Variants in B3GNT3 observed in about 807,000 individuals in gnomAD.
B3GNT3 encodes UDP-GlcNAc:betaGal beta-1,3-N-acetylglucosaminyltransferase 3, also known as N-acetyllactosaminide beta-1,3-N-acetylglucosaminyltransferase 3.
Under a neutral mutation model 11.6 loss-of-function variants are expected in B3GNT3, and 7 were observed. That is an observed-to-expected ratio of 0.60 (90% CI 0.34 to 1.13). B3GNT3 has a LOEUF of 1.13. Among genes scored for constraint, B3GNT3 ranks in the 50% most tolerant of loss-of-function variants. B3GNT3 has a pLI of 0.03. For synonymous variants in B3GNT3, 201 were observed against 222.1 expected (o/e 0.90, Z 0.85); for missense variants, 400 against 507.4 (o/e 0.79, Z 2.03).
Position 17,808,288 on chromosome 19 carries a change from C to T in B3GNT3, c.481C>T (p.Arg161Trp), listed in dbSNP as rs965913129. The T allele has an allele frequency of 4.3e-6, 7 of 1,613,406 alleles. No homozygotes were observed. The highest frequency in any genetic ancestry group is 4.0e-5 in the African/African-American group (3 of 74,934). The change falls in exon 2 of 3, where the codon CGG (arginine) becomes TGG (tryptophan). Residue 161 changes from arginine (R) to tryptophan (W), a missense_variant. By Grantham distance (101) the Arg-to-Trp change is moderately radical. Coordinates refer to ENST00000318683, the MANE Select transcript of B3GNT3 (RefSeq NM_014256.4). Reference sequence around the variant, plus strand: ...CCCGCACGAGGCCCGCAAGGTCAACCGGCTGCTGGAGCTGGAGGCACAGAC... The same window carrying T: ...CCCGCACGAGGCCCGCAAGGTCAACTGGCTGCTGGAGCTGGAGGCACAGAC... ...SNPHEARKVN[R>W]LLELEAQTHG...
At chr19:17,795,452 C>T (rs984651910) in intron 1 of B3GNT3, among the ~76,000 whole-genome samples, 3 of 152,194 alleles carry the variant, frequency 2.0e-5, no homozygotes, top group African/African-American at 7.2e-5. Flanking sequence ...GCTGGCGACC[C>T]GGGACCCCGG....
Position 17,807,960 on chromosome 19 carries a change from T to TCCGCGC in B3GNT3, c.155_156insGCGCCC (p.Pro52_Pro53insArgPro). 6.2e-6 allele frequency: 10 copies of TCCGCGC among 1,609,536 alleles called. No homozygotes were observed. The highest frequency in any genetic ancestry group is 8.5e-6 in the Non-Finnish European group (10 of 1,178,120). ...TCCCCGAGGCCCTGGCCTGGCCCAC[T>TCCGCGC]CCACCCACCCGCCCAGCCCCGGCCC... On this transcript the variant is annotated inframe_insertion, in exon 2 of 3. Transcript: ENST00000318683.
chr19:17,808,064 A>T lies in B3GNT3; in HGVS notation c.257A>T (p.Tyr86Phe). 3 of 1,608,828 alleles carry T rather than the reference A, an allele frequency of 1.9e-6. 1 individual carries two copies. In the South Asian group the frequency reaches 3.3e-5, roughly 18 times the overall value. ...CAGCACGTTCAGAACTTCCTCCTGT[A>T]CAGACACTGCCGCCACTTTCCCCTG... ...QPQHVQNFLLYRHCRHFPLLQ... is the reference protein window; with the variant it reads ...QPQHVQNFLLFRHCRHFPLLQ... The change falls in exon 2 of 3, where the codon TAC (tyrosine) becomes TTC (phenylalanine). Residue 86 changes from tyrosine (Y) to phenylalanine (F), a missense_variant. Tyr to Phe is a conservative substitution (Grantham distance 22, BLOSUM62 3). Coordinates refer to ENST00000318683, the MANE Select transcript of B3GNT3 (RefSeq NM_014256.4).
chr19:17,804,186 G>A (rs186260913), intron 1 of B3GNT3, among the ~76,000 whole-genome samples: 3 of 149,578 alleles, frequency 2.0e-5, no homozygotes, highest in East Asian at 2.0e-4. Flanking sequence ...AAACATTGAT[G>A]ACTTTCTTCA....
chr19:17,808,905 T>C (rs776721237), intron 2 of B3GNT3, among the ~76,000 whole-genome samples: 6 of 152,136 alleles, frequency 3.9e-5, no homozygotes, highest in Non-Finnish European at 7.4e-5. Flanking sequence ...AGTGGTGCGA[T>C]CTGGGCTTGC....
intron 1 of B3GNT3, among the ~76,000 whole-genome samples, chr19:17,806,316 C>T (rs2094172940): frequency 6.6e-6 from 1 of 151,992 alleles, no homozygotes; most frequent in South Asian, 2.1e-4. Flanking sequence ...GGGGTTTCAC[C>T]ATGCTGCCCA....
In B3GNT3 at chr19:17,812,055, T is replaced by A. The variant is rs2094181793; in HGVS notation, c.1052T>A (p.Met351Lys). The A allele has an allele frequency of 6.3e-7, 1 of 1,598,888 alleles. No individual in the cohort carries two copies. The highest frequency in any genetic ancestry group is 8.5e-7 in the Non-Finnish European group (1 of 1,179,904). The change falls in exon 3 of 3, where the codon ATG becomes AAG. Residue 351 changes from methionine to lysine, a missense_variant. Met to Lys is a moderately conservative substitution (Grantham distance 95, BLOSUM62 -1). Coordinates refer to ENST00000318683, the MANE Select transcript of B3GNT3 (RefSeq NM_014256.4). The stretch of plus-strand genomic sequence containing the variant: ...GTGCACCGCTTCCTACCTTATGAGA[T>A]GCTGCTCATGTGGGATGCGCTGAAC... ...LLVHRFLPYE[M>K]LLMWDALNQP...
At chr19:17,810,030 T>C (rs930131391) in intron 2 of B3GNT3, among the ~76,000 whole-genome samples, 9 of 152,086 alleles carry the variant, frequency 5.9e-5, no homozygotes, top group African/African-American at 2.2e-4. Flanking sequence ...GTAAATAAGA[T>C]AGAGGACCAC....
At position 17,812,349 on chromosome 19, in the gene B3GNT3, A is replaced by C; in HGVS notation, c.*227A>C. 1.9e-6 allele frequency: 1 copy of C among 529,134 alleles called. No individual in the cohort carries two copies. Among genetic ancestry groups the C allele is most frequent in the South Asian group, 2.8e-5 (1 of 35,654 alleles). The allele number at this position is 529,134 out of a possible 1,614,324, so 32.8% of individuals were successfully genotyped here. On this transcript the variant is annotated 3_prime_UTR_variant, in exon 3 of 3. Transcript: ENST00000318683. The stretch of plus-strand genomic sequence containing the variant: ...GATGGCTGGAGGAACTCCAGAAAAT[A>C]TCCATCTTCTTTTTGTGGCTGCTAA...
chr19:17,798,174 ACTC>A (rs1185152653), intron 1 of B3GNT3, among the ~76,000 whole-genome samples: 1 of 151,972 alleles, frequency 6.6e-6, no homozygotes, highest in Admixed American at 6.6e-5. Flanking sequence ...TAGAGGTTGC[ACTC>A]CTCTGGAAAA....
intron 1 of B3GNT3, among the ~76,000 whole-genome samples, chr19:17,806,342 T>C (rs141247931): frequency 0.014 from 2,138 of 152,096 alleles, 19 homozygotes; most frequent in Middle Eastern, 0.027. Context: ...TTCTACTTAT[T>C]GTTATATTGA....
chr19:17,811,918 G>A lies in B3GNT3; in HGVS notation c.915G>A (p.Glu305=), dbSNP rs1239082777. The change falls in exon 3 of 3, where the codon GAG becomes GAA. Residue 305 remains glutamate, a synonymous_variant. Transcript: ENST00000318683. This position sits in a 1 kb window ranked among gnomAD's most constrained non-coding sequence, Gnocchi z 4.1. ...ATGTCTTCCTGGGTATGTGTCTGGA[G>A]CTTGAGGGACTGAAGCCTGCCTCCC... ...IDDVFLGMCL[E]LEGLKPASHS... is the part of the protein sequence containing the mutation. 2.5e-6 allele frequency: 4 copies of A among 1,613,384 alleles called. No homozygotes were observed. The highest frequency in any genetic ancestry group is 2.2e-5 in the South Asian group (2 of 91,084).
In B3GNT3 at chr19:17,811,610, G is replaced by A. The variant is rs1340665314; in HGVS notation, c.607G>A (p.Ala203Thr). 3.1e-6 allele frequency: 5 copies of A among 1,613,580 alleles called. No individual in the cohort carries two copies. The highest frequency in any genetic ancestry group is 2.2e-5 in the East Asian group (1 of 44,892). Residue 203 changes from alanine (A) to threonine (T), a missense_variant, in exon 3 of 3, where the codon GCC (alanine) becomes ACC (threonine). Ala to Thr is a moderately conservative substitution (Grantham distance 58, BLOSUM62 0). Coordinates refer to ENST00000318683, the MANE Select transcript of B3GNT3 (RefSeq NM_014256.4). This position sits in a 1 kb window ranked among gnomAD's most constrained non-coding sequence, Gnocchi z 4.1. ...LQWQETRCAN[A>T]SFVLNGDDDV... ...GTGGCAGGAGACAAGGTGCGCCAAC[G>A]CCAGCTTCGTGCTCAACGGGGATGA...
intron 1 of B3GNT3, among the ~76,000 whole-genome samples, chr19:17,806,125 G>A (rs568721090): frequency 6.6e-6 from 1 of 151,820 alleles, no homozygotes; most frequent in African/African-American, 2.4e-5. Flanking sequence ...CCATCACCAT[G>A]CCTGGCTAAT....
At chr19:17,796,667 A>G (rs1162883886) in intron 1 of B3GNT3, among the ~76,000 whole-genome samples, 1 of 152,166 alleles carries the variant, frequency 6.6e-6, no homozygotes, top group East Asian at 1.9e-4. Context: ...GTGTTTGCTC[A>G]GTCCAGCCTG....
At position 17,808,000 on chromosome 19, in the gene B3GNT3, A is replaced by G; in HGVS notation, c.193A>G (p.Thr65Ala). The change falls in exon 2 of 3, where the codon ACC becomes GCC. Residue 65 changes from threonine (T) to alanine (A), a missense_variant. Coordinates refer to ENST00000318683, the MANE Select transcript of B3GNT3 (RefSeq NM_014256.4). The stretch of plus-strand genomic sequence containing the variant: ...AGCCCCGGCCCCGTGCCATGCCAAC[A>G]CCTCTATGGTCACCCACCCGGACTT... ...RPAPAPCHAN[T>A]SMVTHPDFAT... is the part of the protein sequence containing the mutation. 6.6e-7 allele frequency: 1 copy of G among 1,515,982 alleles called. No homozygotes were observed. The highest frequency in any genetic ancestry group is 8.9e-7 in the Non-Finnish European group (1 of 1,125,608). The allele number at this position is 1,515,982 out of a possible 1,614,324, so 93.9% of individuals were successfully genotyped here. A position where few individuals can be genotyped will look rare whatever the true frequency, so the allele number is the denominator to read the frequency against.
In B3GNT3 at chr19:17,808,230, G is replaced by A. The variant is rs1007824385; in HGVS notation, c.423G>A (p.Leu141=). ...GRERKVRGLQ[L]RLLFLVGTAS... Reference sequence around the variant, plus strand: ...AGCGCAAGGTACGGGGTTTGCAGCTGCGCCTCCTCTTCCTGGTGGGCACAG... The same window carrying A: ...AGCGCAAGGTACGGGGTTTGCAGCTACGCCTCCTCTTCCTGGTGGGCACAG... The change falls in exon 2 of 3, where the codon CTG becomes CTA. Residue 141 remains leucine (L), a synonymous_variant. Coordinates refer to ENST00000318683, the MANE Select transcript of B3GNT3 (RefSeq NM_014256.4). 20 of 1,613,468 alleles carry A rather than the reference G, an allele frequency of 1.2e-5. No individual in the cohort carries two copies. The highest frequency in any genetic ancestry group is 2.7e-5 in the African/African-American group (2 of 75,038).
chr19:17,803,889 A>G (rs1464988951), intron 1 of B3GNT3, among the ~76,000 whole-genome samples: 3 of 152,000 alleles, frequency 2.0e-5, no homozygotes. Flanking sequence ...TTAGCTGGCA[A>G]GGTGGCTTAT....
intron 1 of B3GNT3, among the ~76,000 whole-genome samples, chr19:17,798,854 C>T (rs186573687): frequency 5.3e-4 from 81 of 152,078 alleles, no homozygotes; most frequent in African/African-American, 1.5e-3. Flanking sequence ...CCTGTGGTCC[C>T]AGCTACTCAG....
Sources: gnomAD v4.1 joint callset for allele counts (sites outside exome capture counted in the v4.1 genomes callset) on GRCh38, gnomAD v4.1.1 for gene constraint, Gnocchi (gnomAD v3.1) non-coding constraint, MANE v1.5 for transcripts, NCBI Gene and HGNC (gene_info 2026-07-23, HGNC 2026-07-21) for gene names.